Variants in WDHD1 observed in about 807,000 individuals in gnomAD.
WDHD1 encodes the protein WD repeat and HMG-box DNA binding protein 1, also known as WD repeat and HMG-box DNA-binding protein 1.
A neutral mutation model predicts 135.4 loss-of-function variants in WDHD1; 111 were observed. That is an observed-to-expected ratio of 0.82 (90% CI 0.70 to 0.96). The LOEUF is 0.96. Ranked by LOEUF, WDHD1 falls within the 40% of genes least tolerant of loss-of-function variation. WDHD1 has a pLI of 0.00. For synonymous variants in WDHD1, 434 were observed against 439.0 expected, an observed-to-expected ratio of 0.99 and a Z score of 0.14; for missense variants, 1,351 against 1,336.3, an observed-to-expected ratio of 1.01 and a Z score of -0.17.
chr14:55,017,256 T>C (rs187514993), intron 2 of WDHD1, among the ~76,000 whole-genome samples: 2 of 152,364 alleles, frequency 1.3e-5, no homozygotes, highest in Admixed American at 6.5e-5. Context: ...AGTCTAAACA[T>C]TCTTCTAAAT....
chr14:54,970,160 T>C (rs1319287462), intron 16 of WDHD1, among the ~76,000 whole-genome samples: 7 of 152,152 alleles, frequency 4.6e-5, no homozygotes, highest in African/African-American at 1.4e-4. Flanking sequence ...GGCCACTCTT[T>C]TCACTCATAT....
intron 24 of WDHD1, among the ~76,000 whole-genome samples, chr14:54,955,011 G>A (rs1278172110): frequency 6.6e-6 from 1 of 152,182 alleles, no homozygotes; most frequent in Non-Finnish European, 1.5e-5. Context: ...TTATAGGCGT[G>A]AGCCACCATG....
At chr14:54,942,564 A>G (rs2040857089) in intron 25 of WDHD1, among the ~76,000 whole-genome samples, 1 of 152,140 alleles carries the variant, frequency 6.6e-6, no homozygotes, top group Non-Finnish European at 1.5e-5. Flanking sequence ...CTCCGACTCC[A>G]ACCCCTGGCA....
In WDHD1 at chr14:54,989,191, T is replaced by C; in HGVS notation, c.1363A>G (p.Ile455Val). 2 of 1,612,974 alleles carry C rather than the reference T, an allele frequency of 1.2e-6. No individual in the cohort carries two copies. Among genetic ancestry groups the C allele is most frequent in the Non-Finnish European group, 1.7e-6 (2 of 1,179,522 alleles). The stretch of plus-strand genomic sequence containing the variant: ...TCTTGCTCATCATTATAGCAGCGAA[T>C]AATTCCAATAGAGTTCCACACCTAC... ...RFMVWNSIGIIRCYNDEQDNA... is the reference protein window; with the variant it reads ...RFMVWNSIGIVRCYNDEQDNA... Residue 455 changes from isoleucine (I) to valine (V), a missense_variant, in exon 13 of 26, where the codon ATT (isoleucine) becomes GTT (valine). By Grantham distance (29) the Ile-to-Val change is conservative. Coordinates refer to ENST00000360586, the MANE Select transcript of WDHD1 (RefSeq NM_007086.4).
Position 54,987,254 on chromosome 14 carries a change from GA to G in WDHD1, c.1659del (p.Leu554PhefsTer51). 1 of 1,614,094 alleles carries G rather than the reference GA, an allele frequency of 6.2e-7. No individual in the cohort carries two copies. Among genetic ancestry groups the G allele is most frequent in the South Asian group, 1.1e-5 (1 of 91,074 alleles). ...GWAAAATSALLLRLFTIGGVQ... is the reference protein window; with the variant it reads ...GWAAAATSALXLRLFTIGGVQ... ...ACCCCTCCAATAGTAAACAATCGAA[GA>G]AGCAGGGCACTAGTAGCGGCAGCAG... On this transcript the variant is annotated frameshift_variant, in exon 14 of 26. Transcript: ENST00000360586. LOFTEE classifies it high-confidence loss of function.
intron 2 of WDHD1, 73 bp from the exon 3 acceptor site, chr14:55,013,669 T>C (rs370367909): frequency 6.1e-6 from 7 of 1,154,804 alleles, no homozygotes; most frequent in South Asian, 3.7e-5. Flanking sequence ...ACTTTGGGAG[T>C]ACAAGGTGGG....
intron 16 of WDHD1, among the ~76,000 whole-genome samples, chr14:54,974,791 T>A (rs1046361908): frequency 1.3e-5 from 2 of 152,176 alleles, no homozygotes; most frequent in Non-Finnish European, 2.9e-5. Flanking sequence ...TGTGCCACTG[T>A]ACTAGCCTGG....
intron 12 of WDHD1, 73 bp downstream of exon 12, chr14:54,991,140 C>T (rs1486427734): frequency 3.0e-5 from 24 of 795,976 alleles, no homozygotes; most frequent in Non-Finnish European, 4.8e-5. Context: ...ATGTTTTATC[C>T]AAAAAAATTA....
In WDHD1 at chr14:54,998,864, A is replaced by AAAAAAT. The variant is rs1227223868; in HGVS notation, c.942+1638_942+1639insATTTTT. On this transcript the variant is annotated intron_variant, in intron 10 of 25. Coordinates refer to ENST00000360586, the MANE Select transcript of WDHD1 (RefSeq NM_007086.4). ...AATGCTATTCATGGCTGAATAATAA[A>AAAAAAT]AATAATAGCCAACACTTATAAAGTA... Among the ~76,000 whole-genome samples the AAAAAAT allele has an allele frequency of 4.5e-3, 684 of 152,298 alleles. 3 individuals are homozygous for AAAAAAT. Among genetic ancestry groups the AAAAAAT allele is most frequent in the African/African-American group, 0.016 (645 of 41,566 alleles).
At chr14:54,968,333 A>G (rs1413576820) in intron 16 of WDHD1, among the ~76,000 whole-genome samples, 6 of 152,298 alleles carry the variant, frequency 3.9e-5, no homozygotes, top group Admixed American at 3.9e-4. Context: ...CAGACACAAC[A>G]TATCAAAATA....
At chr14:54,950,362 G>C (rs2041023373) in intron 24 of WDHD1, among the ~76,000 whole-genome samples, 1 of 152,012 alleles carries the variant, frequency 6.6e-6, no homozygotes. Context: ...TGATAAAACA[G>C]ACTTTAAACC....
At chr14:54,988,889 C>A in intron 13 of WDHD1, 139 bp downstream of exon 13, 1 of 667,898 alleles carries the variant, frequency 1.5e-6, no homozygotes, top group Non-Finnish European at 2.4e-6. Context: ...TTTGGGTGTG[C>A]TGGTGTTTGT....
chr14:54,991,162 A>G (rs778554516), intron 12 of WDHD1, 51 bp downstream of exon 12: 2 of 1,032,770 alleles, frequency 1.9e-6, no homozygotes, highest in East Asian at 4.8e-5. Flanking sequence ...CTATAGTAAG[A>G]AAAAAGTGCT....
intron 16 of WDHD1, among the ~76,000 whole-genome samples, chr14:54,980,903 G>A (rs1238362513): frequency 6.6e-6 from 1 of 151,562 alleles, no homozygotes; most frequent in Non-Finnish European, 1.5e-5. Flanking sequence ...AAGGTCAGGA[G>A]ATTGAAACCA....
At chr14:55,025,795 T>A (rs1406394018) in intron 2 of WDHD1, among the ~76,000 whole-genome samples, 1 of 152,218 alleles carries the variant, frequency 6.6e-6, no homozygotes, top group Non-Finnish European at 1.5e-5. Flanking sequence ...CATACCATGA[T>A]CCCTGGCCCC....
rs1182969967 is a variant in WDHD1 at position 54,941,100 on chromosome 14, G to A, written c.*390C>T. The stretch of plus-strand genomic sequence containing the variant: ...TCTATGCTAACACACTTGGAAAGAG[G>A]ACTATTGTCCTTCCTTGCACATGAC... On this transcript the variant is annotated 3_prime_UTR_variant, in exon 26 of 26. Transcript: ENST00000360586. The A allele has an allele frequency of 6.3e-6, 1 of 158,848 alleles. No individual in the cohort carries two copies. The highest frequency in any genetic ancestry group is 1.4e-5 in the Non-Finnish European group (1 of 72,494). 9.8% of individuals were successfully genotyped at this position (158,848 alleles called of 1,614,324 possible). A position where few individuals can be genotyped will look rare whatever the true frequency, so the allele number is the denominator to read the frequency against.
At chr14:54,998,144 C>T (rs544184830) in intron 10 of WDHD1, among the ~76,000 whole-genome samples, 15 of 151,352 alleles carry the variant, frequency 9.9e-5, no homozygotes, top group African/African-American at 3.2e-4. Context: ...ACCCAGGAGG[C>T]GGAGGTTGCA....
In WDHD1 at chr14:54,957,064, C is replaced by T. The variant is rs368088426; in HGVS notation, c.2886G>A (p.Lys962=). Reference sequence around the variant, plus strand: ...TAGGCTTCGGCTTTGGAATCAGAGGCTTTATAATGGGAGACTTTTCATTAT... The same window carrying T: ...TAGGCTTCGGCTTTGGAATCAGAGGTTTTATAATGGGAGACTTTTCATTAT... ...TTNNEKSPII[K]PLIPKPKPKQ... Residue 962 remains lysine, a synonymous_variant, in exon 23 of 26, where the codon AAG becomes AAA. Transcript: ENST00000360586. 1 of 1,613,890 alleles carries T rather than the reference C, an allele frequency of 6.2e-7. No homozygotes were observed. The highest frequency in any genetic ancestry group is 8.5e-7 in the Non-Finnish European group (1 of 1,179,968).
chr14:54,962,373 C>T, intron 21 of WDHD1, 125 bp downstream of exon 21: 1 of 757,850 alleles, frequency 1.3e-6, no homozygotes, highest in Non-Finnish European at 2.3e-6. Flanking sequence ...ATTAAAAAAA[C>T]AAAAACATAA....
Sources: allele counts gnomAD v4.1 joint callset (sites outside exome capture counted in the v4.1 genomes callset), GRCh38; gene constraint gnomAD v4.1.1; transcripts MANE v1.5; gene names NCBI Gene and HGNC (gene_info 2026-07-23, HGNC 2026-07-21).